The following PTCH1 variants were observed in gnomAD, a reference collection of about 807,000 sequenced individuals.
PTCH1 encodes protein patched homolog 1.
Under a neutral mutation model 144.6 loss-of-function variants are expected in PTCH1, and 14 were observed. That is an observed-to-expected ratio of 0.10 (90% CI 0.06 to 0.15). The LOEUF is 0.15. PTCH1 is among the 10% of genes least tolerant of loss of function. PTCH1 has a pLI of 1.00. For missense variants in PTCH1, 1,623 were observed against 1,948.3 expected (o/e 0.83, Z 3.14); for synonymous variants, 833 against 793.6 (o/e 1.05, Z -0.83).
chr9:95,496,803 T>C (rs1429227947), intron 2 of PTCH1, among the ~76,000 whole-genome samples: 1 of 152,156 alleles, frequency 6.6e-6, no homozygotes, highest in Non-Finnish European at 1.5e-5. Context: ...CTTAGGCAGC[T>C]AGGAAAAATT....
At chr9:95,474,051 C>T (rs774816634) in intron 12 of PTCH1, 11 of 494,290 alleles carry the variant, frequency 2.2e-5, no homozygotes, top group Non-Finnish European at 3.6e-5. Context: ...TACAAGGCTA[C>T]TCCTCGTAAG....
chr9:95,450,751 T>G (rs1838383253), intron 20 of PTCH1: 1 of 152,410 alleles, frequency 6.6e-6, no homozygotes, highest in African/African-American at 2.4e-5. Context: ...AATTCAAACA[T>G]AAAGGCCGCA....
At position 95,458,997 on chromosome 9, in the gene PTCH1, C is replaced by T. The variant is rs941120197; in HGVS notation, c.2887+603G>A. Reference sequence around the variant, plus strand: ...GTTTGCAAGGGGACCCGTCTTCTTTCTCACATCCTCCCTTGGCCCGGTATC... The same window carrying T: ...GTTTGCAAGGGGACCCGTCTTCTTTTTCACATCCTCCCTTGGCCCGGTATC... On this transcript the variant is annotated intron_variant, in intron 17 of 23. Coordinates refer to ENST00000331920, the MANE Select transcript of PTCH1 (RefSeq NM_000264.5). The surrounding 1 kb of genome is among the most constrained non-coding windows in gnomAD (Gnocchi z 4.7). Among the ~76,000 whole-genome samples the T allele has an allele frequency of 5.3e-5, 8 of 152,238 alleles. No individual in the cohort carries two copies. Among genetic ancestry groups the T allele is most frequent in the African/African-American group, 1.4e-4 (6 of 41,464 alleles).
At chr9:95,466,977 T>A in intron 15 of PTCH1, 139 bp downstream of exon 15, 1 of 955,048 alleles carries the variant, frequency 1.0e-6, no homozygotes, top group Non-Finnish European at 1.6e-6. Context: ...CATGTAAGAA[T>A]CTTGAGCAAC....
At chr9:95,463,447 A>C (rs1839717434) in intron 15 of PTCH1, among the ~76,000 whole-genome samples, 3 of 152,118 alleles carry the variant, frequency 2.0e-5, no homozygotes, top group Admixed American at 2.0e-4. Flanking sequence ...GCATGCACAC[A>C]CAGGGTACTG....
chr9:95,484,443 C>T (rs1272008952), intron 3 of PTCH1: 1 of 152,180 alleles, frequency 6.6e-6, no homozygotes, highest in African/African-American at 2.4e-5. Flanking sequence ...GTGACTCGAC[C>T]CTGGCTGTGC....
At chr9:95,488,246 G>A (rs907763594) in intron 2 of PTCH1, among the ~76,000 whole-genome samples, 6 of 152,038 alleles carry the variant, frequency 3.9e-5, no homozygotes, top group Admixed American at 6.6e-5. Context: ...TTTTAATAAA[G>A]GTATAGATTT....
chr9:95,455,325 T>C (rs776996006), intron 19 of PTCH1, among the ~76,000 whole-genome samples: 2 of 152,232 alleles, frequency 1.3e-5, no homozygotes, highest in African/African-American at 2.4e-5. Flanking sequence ...TGCCATGTGC[T>C]GAGCCCAAAG....
chr9:95,493,953 T>G (rs473902), intron 2 of PTCH1, among the ~76,000 whole-genome samples: 8,499 of 151,862 alleles, frequency 0.056, 313 homozygotes, highest in Non-Finnish European at 0.086. Context: ...ATTGTGCCCC[T>G]GCGTGTTGCC....
intron 15 of PTCH1, 52 bp from the exon 16 acceptor site, chr9:95,462,050 C>T (rs2136691075): frequency 6.2e-7 from 1 of 1,610,944 alleles, no homozygotes; most frequent in East Asian, 2.2e-5. Flanking sequence ...CAGAAGGACC[C>T]TGGTCCTAGC....
At position 95,443,334 on chromosome 9, in the gene PTCH1, A is replaced by G. The variant is rs1232711285; in HGVS notation, c.*3059T>C. ...GTCACAAGGTCAGCAAGATGAAACA[A>G]CAGTTTCTGATGGCTCCAACACTAA... On this transcript the variant is annotated 3_prime_UTR_variant, in exon 24 of 24. Coordinates refer to ENST00000331920, the MANE Select transcript of PTCH1 (RefSeq NM_000264.5). 1 of 152,418 alleles carries G rather than the reference A, an allele frequency of 6.6e-6. No homozygotes were observed. The highest frequency in any genetic ancestry group is 1.5e-5 in the Non-Finnish European group (1 of 68,024). The allele number at this position is 152,418 out of a possible 1,614,324, so 9.4% of individuals were successfully genotyped here.
At chr9:95,457,894 C>G (rs970909140) in intron 18 of PTCH1, 119 bp downstream of exon 18, 1 of 1,344,778 alleles carries the variant, frequency 7.4e-7, no homozygotes. Flanking sequence ...AAACATATTA[C>G]GGATGATGCA....
chr9:95,456,913 T>C (rs565920867), intron 18 of PTCH1, among the ~76,000 whole-genome samples: 12 of 152,076 alleles, frequency 7.9e-5, no homozygotes, highest in Non-Finnish European at 1.8e-4. Context: ...CAGGTCAAAG[T>C]AGTTTTGCTT....
rs1350435311 is a variant in PTCH1 at position 95,516,746 on chromosome 9, TG to T, written c.-276del. On this transcript the variant is annotated 5_prime_UTR_variant, in exon 1 of 23. Coordinates refer to the PTCH1 transcript ENST00000430669. The stretch of plus-strand genomic sequence containing the variant: ...GGAAAGTGTAAAAACCCCGGCGCGC[TG>T]GGCCGCCGGAGGCTTTCGGCGGAGT... 5.0e-6 allele frequency: 8 copies of T among 1,601,716 alleles called. No homozygotes were observed. In the Admixed American group the frequency reaches 1.3e-4, roughly 27 times the overall value.
intron 15 of PTCH1, among the ~76,000 whole-genome samples, chr9:95,466,200 A>G (rs950784665): frequency 2.0e-5 from 3 of 152,128 alleles, no homozygotes; most frequent in African/African-American, 7.2e-5. Flanking sequence ...GGCACCCACC[A>G]GCACGCCCAG....
chr9:95,508,729 G>C lies in PTCH1; in HGVS notation c.-368C>G, dbSNP rs1265369333. 2.0e-6 allele frequency: 2 copies of C among 986,058 alleles called. No individual in the cohort carries two copies. Among genetic ancestry groups the C allele is most frequent in the African/African-American group, 3.5e-5 (2 of 57,132 alleles). 61.1% of individuals were successfully genotyped at this position (986,058 alleles called of 1,614,324 possible). ...GGGCGCTTCCGCGGCACTCCTTGCG[G>C]TCCCCAACTCCCCCTACCCGCCCCC... On this transcript the variant is annotated 5_prime_UTR_variant, in exon 1 of 24. Transcript: ENST00000331920.
intron 16 of PTCH1, among the ~76,000 whole-genome samples, chr9:95,460,435 G>A (rs763591011): frequency 4.6e-5 from 7 of 152,266 alleles, no homozygotes; most frequent in Non-Finnish European, 8.8e-5. Context: ...TGCTGAGGTG[G>A]GGAACTCTGT....
At chr9:95,496,813 T>G (rs1481012773) in intron 2 of PTCH1, among the ~76,000 whole-genome samples, 1 of 152,152 alleles carries the variant, frequency 6.6e-6, no homozygotes, top group Non-Finnish European at 1.5e-5. Context: ...TAGGAAAAAT[T>G]CTTTTGTTAT....
intron 1 of PTCH1, chr9:95,507,539 A>T: frequency 1.1e-5 from 8 of 716,520 alleles, no homozygotes; most frequent in Non-Finnish European, 1.4e-5. Flanking sequence ...ACCAGGCCCT[A>T]AGGAGAGGCG....
Sources: allele counts gnomAD v4.1 joint callset (sites outside exome capture counted in the v4.1 genomes callset), GRCh38; gene constraint gnomAD v4.1.1; non-coding constraint Gnocchi (gnomAD v3.1); transcripts MANE v1.5; gene names NCBI Gene and HGNC (gene_info 2026-07-23, HGNC 2026-07-21).